USP13: variants seen among roughly 807,000 people sequenced by gnomAD.
USP13 encodes the protein ubiquitin specific peptidase 13.
In USP13, 68 loss-of-function variants were observed where a neutral mutation model predicts 107.8. That is an observed-to-expected ratio of 0.63 (90% CI 0.52 to 0.77). USP13 has a LOEUF of 0.77. Among genes scored for constraint, USP13 ranks in the 30% least tolerant of loss-of-function variants. The pLI is 0.00. For synonymous variants in USP13, 377 were observed against 389.5 expected, an observed-to-expected ratio of 0.97 and a Z score of 0.38; for missense variants, 945 against 1,093.3, an observed-to-expected ratio of 0.86 and a Z score of 1.91.
At chr3:179,743,180 C>T (rs111723159) in intron 12 of USP13, among the ~76,000 whole-genome samples, 8,939 of 152,092 alleles carry the variant, frequency 0.059, 302 homozygotes, top group African/African-American at 0.071. Context: ...CATATTCTCA[C>T]TCATAAGTGC....
chr3:179,750,308 ATATATATATATATGTGTG>A (rs61294523), intron 13 of USP13, among the ~76,000 whole-genome samples: 32,446 of 118,182 alleles, frequency 0.27, 4,379 homozygotes, highest in East Asian at 0.43. Context: ...GTGTGTGTAT[ATATATATATATATGTGTG>A]TATATATATA....
chr3:179,695,022 G>A (rs149581085), intron 3 of USP13, among the ~76,000 whole-genome samples: 10 of 152,238 alleles, frequency 6.6e-5, no homozygotes, highest in African/African-American at 2.2e-4. Flanking sequence ...GTAAAGTTGG[G>A]GTCTCTTATT....
chr3:179,672,336 A>AT (rs548747796), intron 1 of USP13, among the ~76,000 whole-genome samples: 90 of 152,010 alleles, frequency 5.9e-4, no homozygotes, highest in African/African-American at 2.1e-3. Context: ...TGAAGACAGG[A>AT]TTTTAACAAT....
chr3:179,754,973 T>G lies in USP13; in HGVS notation c.1921+119T>G, dbSNP rs1714738734. On this transcript the variant is annotated intron_variant, in intron 15 of 20. Transcript: ENST00000263966. Reference sequence around the variant, plus strand: ...ACCACCCATTGGTGGTCTAGCTGCCTTGCTGTGATGTAACCCACCACCGAC... The same window carrying G: ...ACCACCCATTGGTGGTCTAGCTGCCGTGCTGTGATGTAACCCACCACCGAC... 6.6e-6 allele frequency: 9 copies of G among 1,367,498 alleles called. No individual in the cohort carries two copies. The South Asian group carries it at 1.4e-4, about 22-fold the overall frequency. The allele number at this position is 1,367,498 out of a possible 1,614,324, so 84.7% of individuals were successfully genotyped here.
intron 12 of USP13, among the ~76,000 whole-genome samples, chr3:179,744,634 C>A (rs1159909651): frequency 6.6e-6 from 1 of 152,106 alleles, no homozygotes; most frequent in Non-Finnish European, 1.5e-5. Flanking sequence ...AGCCCTTGGA[C>A]CTTTTCTGGC....
chr3:179,701,005 C>T lies in USP13; in HGVS notation c.356-3C>T, dbSNP rs754672262. The T allele has an allele frequency of 5.6e-6, 9 of 1,611,000 alleles. No individual in the cohort carries two copies. ...TTGTTCTTTGTTTTTGTTTTCTCCTCAGATCTAGATACTGATGACGATTTA... is the reference window on the plus strand; with the variant it reads ...TTGTTCTTTGTTTTTGTTTTCTCCTTAGATCTAGATACTGATGACGATTTA... On this transcript the variant is annotated splice_region_variant and splice_polypyrimidine_tract_variant and intron_variant, in intron 3 of 20. Coordinates refer to ENST00000263966, the MANE Select transcript of USP13 (RefSeq NM_003940.3).
At chr3:179,668,397 G>A (rs968803817) in intron 1 of USP13, among the ~76,000 whole-genome samples, 9 of 152,198 alleles carry the variant, frequency 5.9e-5, no homozygotes, top group Non-Finnish European at 2.9e-5. Context: ...GATTACATGC[G>A]TTTGTTCTTT....
intron 19 of USP13, among the ~76,000 whole-genome samples, chr3:179,780,897 C>T (rs759597): frequency 0.82 from 125,389 of 152,204 alleles, 51,963 homozygotes; most frequent in East Asian, 0.92. Context: ...TTAAATTCAA[C>T]AGACATACAT....
chr3:179,728,387 G>A (rs1257136602), intron 8 of USP13, among the ~76,000 whole-genome samples: 1 of 149,980 alleles, frequency 6.7e-6, no homozygotes, highest in Non-Finnish European at 1.5e-5. Flanking sequence ...GACGATGGGC[G>A]GCCGGGCAGA....
chr3:179,784,793 T>C lies in USP13; in HGVS notation c.*652T>C, dbSNP rs1013688260. ...ACTTTTACTAGAAAAGTGAGTCCACTAGAAAATCTGTGACAAGTTGGTTTT... is the reference window on the plus strand; with the variant it reads ...ACTTTTACTAGAAAAGTGAGTCCACCAGAAAATCTGTGACAAGTTGGTTTT... On this transcript the variant is annotated 3_prime_UTR_variant, in exon 21 of 21. Coordinates refer to ENST00000263966, the MANE Select transcript of USP13 (RefSeq NM_003940.3). The C allele has an allele frequency of 6.6e-6, 1 of 152,210 alleles. No homozygotes were observed. The highest frequency in any genetic ancestry group is 2.4e-5 in the African/African-American group (1 of 41,456). The allele number at this position is 152,210 out of a possible 1,614,324, so 9.4% of individuals were successfully genotyped here.
intron 10 of USP13, among the ~76,000 whole-genome samples, chr3:179,733,601 T>C (rs1159110800): frequency 6.6e-6 from 1 of 152,142 alleles, no homozygotes; most frequent in Non-Finnish European, 1.5e-5. Flanking sequence ...TTGTGACTTA[T>C]AGATGAGCCT....
intron 17 of USP13, among the ~76,000 whole-genome samples, chr3:179,761,488 C>A (rs1715011421): frequency 6.6e-6 from 1 of 151,966 alleles, no homozygotes; most frequent in African/African-American, 2.4e-5. Context: ...CTTTGGGAGG[C>A]CAAGGCAGGC....
chr3:179,749,062 A>G (rs1053358257), intron 13 of USP13, among the ~76,000 whole-genome samples: 2 of 152,176 alleles, frequency 1.3e-5, no homozygotes, highest in Admixed American at 6.5e-5. Flanking sequence ...ATTAATGGTC[A>G]TATTTTCAAC....
At chr3:179,769,015 G>A (rs907944748) in intron 19 of USP13, among the ~76,000 whole-genome samples, 2 of 152,004 alleles carry the variant, frequency 1.3e-5, no homozygotes, top group Non-Finnish European at 2.9e-5. Flanking sequence ...CTTACTCCCC[G>A]GCAATAATGA....
At chr3:179,775,572 G>C (rs1021902187) in intron 19 of USP13, among the ~76,000 whole-genome samples, 3 of 152,226 alleles carry the variant, frequency 2.0e-5, no homozygotes, top group Admixed American at 1.3e-4. Context: ...AGCAGGGGGC[G>C]GTGCCCCTCG....
intron 13 of USP13, among the ~76,000 whole-genome samples, chr3:179,751,535 C>T (rs1477617388): frequency 6.6e-6 from 1 of 152,110 alleles, no homozygotes; most frequent in Non-Finnish European, 1.5e-5. Context: ...GGGGGTGTTT[C>T]AGGATCACCT....
At chr3:179,728,645 T>G (rs1713666108) in intron 8 of USP13, among the ~76,000 whole-genome samples, 2 of 151,898 alleles carry the variant, frequency 1.3e-5, no homozygotes, top group Non-Finnish European at 1.5e-5. Context: ...GAGAGGTGGA[T>G]GTTGTAGCGA....
Position 179,688,225 on chromosome 3 carries a change from CCA to C in USP13, c.295-2015_295-2014del, listed in dbSNP as rs1271727981. Among the ~76,000 whole-genome samples the C allele has an allele frequency of 6.7e-5, 10 of 148,826 alleles. No individual in the cohort carries two copies. In the South Asian group the frequency reaches 8.7e-4, roughly 13 times the overall value. ...TCCATCCATCCATCCATCCATCCAT[CCA>C]TCCATCCATCCAACAAATATTTACT... On this transcript the variant is annotated intron_variant, in intron 2 of 20. Transcript: ENST00000263966.
chr3:179,717,951 A>G (rs1251500508), intron 6 of USP13, among the ~76,000 whole-genome samples: 1 of 28,464 alleles, frequency 3.5e-5, no homozygotes, highest in African/African-American at 7.4e-5. Flanking sequence ...TTAACTTATT[A>G]ATAATAGACT....
Sources: allele counts gnomAD v4.1 joint callset (sites outside exome capture counted in the v4.1 genomes callset), GRCh38; gene constraint gnomAD v4.1.1; transcripts MANE v1.5; gene names NCBI Gene and HGNC (gene_info 2026-07-23, HGNC 2026-07-21).